SPIDR: variants seen among roughly 807,000 people sequenced by gnomAD.
SPIDR encodes scaffold protein involved in DNA repair, also known as DNA repair-scaffolding protein.
Under a neutral mutation model 104.6 loss-of-function variants are expected in SPIDR, and 93 were observed. The ratio of observed to expected loss-of-function variants is 0.89; its 90% CI spans 0.75 to 1.06. The LOEUF is 1.06. SPIDR is among the 50% of genes least tolerant of loss of function. The pLI is 0.00. For synonymous variants in SPIDR, 431 were observed against 416.9 expected, an observed-to-expected ratio of 1.03 and a Z score of -0.41; for missense variants, 1,154 against 1,111.2, an observed-to-expected ratio of 1.04 and a Z score of -0.55.
At chr8:47,552,470 A>G (rs569175177) in intron 8 of SPIDR, among the ~76,000 whole-genome samples, 5 of 152,212 alleles carry the variant, frequency 3.3e-5, no homozygotes, top group Non-Finnish European at 7.3e-5. Flanking sequence ...TTGGGTGCAT[A>G]TATATTTAAG....
At chr8:47,650,341 A>T (rs2071388054) in intron 10 of SPIDR, among the ~76,000 whole-genome samples, 1 of 152,230 alleles carries the variant, frequency 6.6e-6, no homozygotes, top group Non-Finnish European at 1.5e-5. Flanking sequence ...TCAAGAACCC[A>T]GTCTTTCTTA....
intron 8 of SPIDR, among the ~76,000 whole-genome samples, chr8:47,563,752 T>C (rs1469885471): frequency 6.6e-6 from 1 of 152,208 alleles, no homozygotes; most frequent in Non-Finnish European, 1.5e-5. Context: ...TTATTCTAAT[T>C]CTGGGAGAAA....
intron 1 of SPIDR, among the ~76,000 whole-genome samples, chr8:47,269,446 C>T (rs918573547): frequency 6.6e-6 from 1 of 151,318 alleles, no homozygotes; most frequent in Non-Finnish European, 1.5e-5. Flanking sequence ...TTAGTAGAAA[C>T]GGGCTTTCAC....
chr8:47,331,665 A>C (rs1299417299), intron 5 of SPIDR, among the ~76,000 whole-genome samples: 1 of 152,228 alleles, frequency 6.6e-6, no homozygotes, highest in Non-Finnish European at 1.5e-5. Context: ...TAAACATAGT[A>C]CACTTAGACT....
intron 6 of SPIDR, among the ~76,000 whole-genome samples, chr8:47,401,283 G>T (rs1554662564): frequency 6.6e-6 from 1 of 152,160 alleles, no homozygotes; most frequent in Non-Finnish European, 1.5e-5. Flanking sequence ...AACAAATGCT[G>T]AGAGATTTTG....
At chr8:47,646,982 A>G (rs1385091684) in intron 10 of SPIDR, among the ~76,000 whole-genome samples, 1 of 152,188 alleles carries the variant, frequency 6.6e-6, no homozygotes, top group Non-Finnish European at 1.5e-5. Flanking sequence ...AAACTAAACA[A>G]AAACTACACA....
chr8:47,540,508 T>TC (rs2087885669), intron 8 of SPIDR, among the ~76,000 whole-genome samples: 1 of 152,216 alleles, frequency 6.6e-6, no homozygotes, highest in South Asian at 2.1e-4. Context: ...TTTTAGGCAG[T>TC]CCCTAGCCCT....
intron 8 of SPIDR, among the ~76,000 whole-genome samples, chr8:47,555,299 G>T (rs2091185305): frequency 6.6e-6 from 1 of 152,108 alleles, no homozygotes; most frequent in Non-Finnish European, 1.5e-5. Flanking sequence ...CTTTCTCAAA[G>T]AATTGAGAAA....
At chr8:47,514,395 G>A (rs1247000466) in intron 8 of SPIDR, among the ~76,000 whole-genome samples, 1 of 152,200 alleles carries the variant, frequency 6.6e-6, no homozygotes, top group African/African-American at 2.4e-5. Context: ...CTCTGTGTTG[G>A]TGCTGATGAC....
intron 8 of SPIDR, among the ~76,000 whole-genome samples, chr8:47,441,950 ATACC>A (rs1714281854): frequency 6.6e-6 from 1 of 152,140 alleles, no homozygotes; most frequent in South Asian, 2.1e-4. Context: ...CATGTACTAA[ATACC>A]TACATATATT....
At chr8:47,449,036 G>A (rs2071213680) in intron 8 of SPIDR, among the ~76,000 whole-genome samples, 1 of 152,074 alleles carries the variant, frequency 6.6e-6, no homozygotes. Context: ...AGGATGACTG[G>A]GGGTGGAAGG....
At chr8:47,677,376 TAGGTATAGAAAC>T (rs1477775004) in intron 11 of SPIDR, among the ~76,000 whole-genome samples, 8 of 152,256 alleles carry the variant, frequency 5.3e-5, no homozygotes, top group African/African-American at 9.6e-5. Context: ...TAACCTATCA[TAGGTATAGAAAC>T]TATAGCTAAC....
chr8:47,581,602 T>G (rs1359089260), intron 8 of SPIDR, among the ~76,000 whole-genome samples: 1 of 152,100 alleles, frequency 6.6e-6, no homozygotes, highest in African/African-American at 2.4e-5. Flanking sequence ...CTTCAGCCTT[T>G]GGCCAGTGGG....
At chr8:47,329,698 T>C (rs1442769808) in intron 5 of SPIDR, among the ~76,000 whole-genome samples, 2 of 152,222 alleles carry the variant, frequency 1.3e-5, no homozygotes, top group African/African-American at 4.8e-5. Context: ...GTTATAATTA[T>C]TAGTATAATT....
rs2154368929 is a variant in SPIDR at position 47,495,917 on chromosome 8, C to T, written c.1097+55375C>T. Among the ~76,000 whole-genome samples, 2 of 151,990 alleles carry T rather than the reference C, an allele frequency of 1.3e-5. 1 individual carries two copies. Among genetic ancestry groups the T allele is most frequent in the Non-Finnish European group, 2.9e-5 (2 of 67,998 alleles). ...CCACTATTGACTTTAGGTCTATGTA[C>T]CATCCCGTCAAGTGTTTTTTGATAC... On this transcript the variant is annotated intron_variant, in intron 8 of 19. Coordinates refer to ENST00000297423, the MANE Select transcript of SPIDR (RefSeq NM_001080394.4).
At chr8:47,703,983 A>G (rs542196693) in intron 14 of SPIDR, among the ~76,000 whole-genome samples, 1 of 152,344 alleles carries the variant, frequency 6.6e-6, no homozygotes, top group South Asian at 2.1e-4. Flanking sequence ...GCTGATACAT[A>G]TGATCGTCAT....
chr8:47,477,859 C>T (rs986227979), intron 8 of SPIDR, among the ~76,000 whole-genome samples: 1 of 152,108 alleles, frequency 6.6e-6, no homozygotes, highest in African/African-American at 2.4e-5. Flanking sequence ...CCTGCCAGGG[C>T]TCAGAGGGGA....
At chr8:47,305,951 TTC>T (rs2043020550) in intron 5 of SPIDR, among the ~76,000 whole-genome samples, 1 of 152,184 alleles carries the variant, frequency 6.6e-6, no homozygotes, top group Admixed American at 6.5e-5. Context: ...AAAATTGAAA[TTC>T]TGTACTCATT....
chr8:47,260,986 T>G lies in SPIDR; in HGVS notation c.28T>G (p.Ser10Ala). 3 of 1,230,102 alleles carry G rather than the reference T, an allele frequency of 2.4e-6. No individual in the cohort carries two copies. The highest frequency in any genetic ancestry group is 1.0e-6 in the Non-Finnish European group (1 of 986,676). The allele number at this position is 1,230,102 out of a possible 1,614,324, so 76.2% of individuals were successfully genotyped here. The change falls in exon 1 of 20, where the codon TCT (serine) becomes GCT (alanine). Residue 10 changes from serine (S) to alanine (A), a missense_variant. Ser to Ala is a moderately conservative substitution (Grantham distance 99). Coordinates refer to ENST00000297423, the MANE Select transcript of SPIDR (RefSeq NM_001080394.4). MPRGSRARGSKRKRSWNTEC... is the reference protein window; with the variant it reads MPRGSRARGAKRKRSWNTEC... ...GCCCCGCGGCAGCCGCGCTCGGGGC[T>G]CTAAGGTAGGCTCTGGGGCGGGAGT... is the stretch of plus-strand genomic sequence containing the variant.
Sources: gnomAD v4.1 joint callset for allele counts (sites outside exome capture counted in the v4.1 genomes callset) on GRCh38, gnomAD v4.1.1 for gene constraint, MANE v1.5 for transcripts, NCBI Gene and HGNC (gene_info 2026-07-23, HGNC 2026-07-21) for gene names.